Variants in GABRG3 observed in about 807,000 individuals in gnomAD.
GABRG3 encodes gamma-aminobutyric acid type A receptor subunit gamma3.
Under a neutral mutation model 48.8 loss-of-function variants are expected in GABRG3, and 25 were observed. The observed-to-expected ratio is 0.51, with a 90% CI of 0.37 to 0.72. The LOEUF (loss-of-function observed/expected upper bound fraction) is 0.72, where lower values mean the gene tolerates loss of function less well. Ranked by LOEUF, GABRG3 falls within the 30% of genes least tolerant of loss-of-function variation. The pLI, the probability that GABRG3 is intolerant of heterozygous loss-of-function variation, is 0.00. For synonymous variants in GABRG3, 227 were observed against 217.6 expected (o/e 1.04, Z -0.38); for missense variants, 394 against 577.9 (o/e 0.68, Z 3.26).
At chr15:27,401,056 A>G (rs758605769) in intron 5 of GABRG3, among the ~76,000 whole-genome samples, 1 of 152,194 alleles carries the variant, frequency 6.6e-6, no homozygotes, top group Non-Finnish European at 1.5e-5. Context: ...ATGACTTTCA[A>G]TTTTGAATGA....
chr15:27,329,241 T>C (rs1893723520), intron 5 of GABRG3, among the ~76,000 whole-genome samples: 2 of 152,200 alleles, frequency 1.3e-5, no homozygotes, highest in Admixed American at 6.5e-5. Flanking sequence ...TAACATTATC[T>C]TTTTTAAATT....
chr15:27,385,666 A>C (rs972168800), intron 5 of GABRG3, among the ~76,000 whole-genome samples: 15 of 152,306 alleles, frequency 9.8e-5, no homozygotes, highest in Non-Finnish European at 1.9e-4. Context: ...GAGTTCCTCC[A>C]GTAAATGTCT....
intron 3 of GABRG3, among the ~76,000 whole-genome samples, chr15:27,066,949 T>C (rs567711697): frequency 2.0e-5 from 3 of 152,220 alleles, no homozygotes; most frequent in African/African-American, 2.4e-5. Context: ...ACTACTTCAG[T>C]GCAACAGGAC....
intron 3 of GABRG3, among the ~76,000 whole-genome samples, chr15:27,312,445 C>T (rs888356679): frequency 2.6e-5 from 4 of 151,848 alleles, no homozygotes; most frequent in African/African-American, 7.3e-5. Context: ...CCAGGAAACC[C>T]AAATGACAAT....
At chr15:27,382,039 C>T (rs554673747) in intron 5 of GABRG3, among the ~76,000 whole-genome samples, 143 of 152,258 alleles carry the variant, frequency 9.4e-4, no homozygotes, top group African/African-American at 3.0e-3. Flanking sequence ...ATTATTGCTT[C>T]CAAATTCTGT....
At chr15:27,282,106 C>T (rs1333348643) in intron 3 of GABRG3, among the ~76,000 whole-genome samples, 1 of 152,166 alleles carries the variant, frequency 6.6e-6, no homozygotes, top group Non-Finnish European at 1.5e-5. Flanking sequence ...CAAATCATTG[C>T]TCCCCATGAG....
At chr15:27,145,531 G>A (rs1898182359) in intron 3 of GABRG3, among the ~76,000 whole-genome samples, 1 of 151,868 alleles carries the variant, frequency 6.6e-6, no homozygotes, top group Non-Finnish European at 1.5e-5. Context: ...TTTTAAAAAT[G>A]AAGAAAAGTC....
Position 27,232,592 on chromosome 15 carries a change from A to G in GABRG3, c.271-94217A>G, listed in dbSNP as rs553215062. On this transcript the variant is annotated intron_variant, in intron 3 of 9. Coordinates refer to ENST00000615808, the MANE Select transcript of GABRG3 (RefSeq NM_033223.5). ...GGGGCAGCTGTTCTCCTGCCAGACC[A>G]TGTTCTGAGTGCTGGGACTAGAGGC... Among the ~76,000 whole-genome samples the G allele has an allele frequency of 6.6e-5, 10 of 152,268 alleles. 1 individual carries two copies. Among genetic ancestry groups the G allele is most frequent in the South Asian group, 6.2e-4 (3 of 4,822 alleles).
intron 2 of GABRG3, among the ~76,000 whole-genome samples, chr15:26,979,660 T>C (rs1280918698): frequency 2.0e-5 from 3 of 152,230 alleles, no homozygotes; most frequent in Non-Finnish European, 4.4e-5. Context: ...TCTGTCAATA[T>C]GGTGGATTAT....
chr15:26,972,755 G>T (rs1172802964), intron 1 of GABRG3, among the ~76,000 whole-genome samples: 2 of 152,134 alleles, frequency 1.3e-5, no homozygotes, highest in Non-Finnish European at 2.9e-5. Flanking sequence ...CATGAAGGGG[G>T]CCCCCAGTTC....
chr15:26,994,998 C>T (rs76057210), intron 2 of GABRG3, among the ~76,000 whole-genome samples: 1,605 of 152,012 alleles, frequency 0.011, 29 homozygotes, highest in African/African-American at 0.036. Flanking sequence ...TTGTTAAATC[C>T]GTTTTCTTGT....
intron 3 of GABRG3, among the ~76,000 whole-genome samples, chr15:27,287,662 C>T (rs991987220): frequency 6.6e-6 from 1 of 151,338 alleles, no homozygotes; most frequent in African/African-American, 2.4e-5. Flanking sequence ...CAGCCTTTCT[C>T]CTTTATAATT....
chr15:27,038,041 T>C (rs1896208581), intron 3 of GABRG3, among the ~76,000 whole-genome samples: 1 of 152,166 alleles, frequency 6.6e-6, no homozygotes, highest in African/African-American at 2.4e-5. Flanking sequence ...GTGCAGCTGC[T>C]TAGCAAGGTC....
intron 3 of GABRG3, among the ~76,000 whole-genome samples, chr15:27,248,878 T>TG (rs1276955293): frequency 1.0e-4 from 15 of 149,498 alleles, no homozygotes; most frequent in Non-Finnish European, 1.8e-4. Context: ...GCAGGGGCTG[T>TG]GGAAGCTGTC....
intron 5 of GABRG3, among the ~76,000 whole-genome samples, chr15:27,359,712 C>T (rs765454001): frequency 1.8e-4 from 27 of 152,148 alleles, no homozygotes; most frequent in Non-Finnish European, 2.2e-4. Flanking sequence ...CATAAGTCGC[C>T]GTAGGCAAAT....
intron 6 of GABRG3, 66 bp from the exon 7 acceptor site, chr15:27,519,906 A>G (rs1891118619): frequency 8.8e-7 from 1 of 1,135,430 alleles, no homozygotes; most frequent in Admixed American, 3.2e-5. Flanking sequence ...ATAAATTGTA[A>G]ATTATTTTCC....
intron 5 of GABRG3, among the ~76,000 whole-genome samples, chr15:27,389,450 A>G (rs1896154359): frequency 6.6e-6 from 1 of 152,192 alleles, no homozygotes; most frequent in Non-Finnish European, 1.5e-5. Context: ...TTTTCAACCA[A>G]ATTTTGTACC....
intron 3 of GABRG3, among the ~76,000 whole-genome samples, chr15:27,217,401 T>C (rs2140438581): frequency 6.6e-6 from 1 of 152,302 alleles, no homozygotes; most frequent in East Asian, 1.9e-4. Flanking sequence ...TTGATGTCTC[T>C]TCTGTTTCTT....
chr15:27,307,126 A>G (rs954394916), intron 3 of GABRG3, among the ~76,000 whole-genome samples: 5 of 131,726 alleles, frequency 3.8e-5, no homozygotes, highest in Admixed American at 1.5e-4. Context: ...TAAACATAAT[A>G]TAAACATGTT....
Sources: allele counts gnomAD v4.1 joint callset (sites outside exome capture counted in the v4.1 genomes callset), GRCh38; gene constraint gnomAD v4.1.1; transcripts MANE v1.5; gene names NCBI Gene and HGNC (gene_info 2026-07-23, HGNC 2026-07-21).